Variants in SEC24B observed in about 807,000 individuals in gnomAD.
SEC24B encodes protein transport protein Sec24B.
In SEC24B, 45 loss-of-function variants were observed where a neutral mutation model predicts 142.8. The observed-to-expected ratio is 0.32, with a 90% CI of 0.25 to 0.40. The LOEUF is 0.40. Ranked by LOEUF, SEC24B falls within the 10% of genes least tolerant of loss-of-function variation. The pLI is 1.00. For synonymous variants in SEC24B, 574 were observed against 568.2 expected, an observed-to-expected ratio of 1.01 and a Z score of -0.15; for missense variants, 1,409 against 1,526.8, an observed-to-expected ratio of 0.92 and a Z score of 1.29.
In SEC24B at chr4:109,526,348, G is replaced by T; in HGVS notation, c.2914G>T (p.Asp972Tyr). The T allele has an allele frequency of 6.2e-7, 1 of 1,613,738 alleles. No homozygotes were observed. Among genetic ancestry groups the T allele is most frequent in the Non-Finnish European group, 8.5e-7 (1 of 1,179,758 alleles). ...GTTGTCAATTGAAGAAAGTTTAACA[G>T]ATACTTCCTTAGTATGTTTTCAAAC... ...VQLSIEESLT[D>Y]TSLVCFQTAL... is the part of the protein sequence containing the mutation. The change falls in exon 17 of 24, where the codon GAT (aspartate) becomes TAT (tyrosine). Residue 972 changes from aspartate (D) to tyrosine (Y), a missense_variant. Physicochemically the swap from Asp to Tyr is radical, Grantham distance 160. This residue lies in a region of SEC24B where 700 missense variants were observed against 853.3 expected (regional missense o/e 0.82). Transcript: ENST00000265175.
rs1726043813 is a variant in SEC24B at position 109,540,276 on chromosome 4, G to T, written c.*601G>T. The T allele has an allele frequency of 6.6e-6, 1 of 152,628 alleles. No homozygotes were observed. Among genetic ancestry groups the T allele is most frequent in the African/African-American group, 2.4e-5 (1 of 41,458 alleles). The allele number at this position is 152,628 out of a possible 1,614,324, so 9.5% of individuals were successfully genotyped here. On this transcript the variant is annotated 3_prime_UTR_variant, in exon 24 of 24. Transcript: ENST00000265175. ...AAAATGTAACTATAGCATATGAATT[G>T]CTTAAACTGTGCTGCATTGTTGGAT...
intron 1 of SEC24B, among the ~76,000 whole-genome samples, chr4:109,442,076 T>G (rs1051350714): frequency 3.3e-5 from 5 of 152,004 alleles, no homozygotes; most frequent in African/African-American, 1.2e-4. Flanking sequence ...GCCTTAGGGG[T>G]GTGTGGGTGT....
At chr4:109,455,093 T>C (rs1730526003) in intron 1 of SEC24B, among the ~76,000 whole-genome samples, 1 of 152,244 alleles carries the variant, frequency 6.6e-6, no homozygotes, top group Non-Finnish European at 1.5e-5. Context: ...TCTTTTATCC[T>C]GTTAATCTGC....
At chr4:109,457,247 A>G (rs1730779806) in intron 1 of SEC24B, among the ~76,000 whole-genome samples, 1 of 152,250 alleles carries the variant, frequency 6.6e-6, no homozygotes, top group South Asian at 2.1e-4. Context: ...TTAAAACAAC[A>G]TAAATGTATT....
intron 6 of SEC24B, among the ~76,000 whole-genome samples, chr4:109,498,880 A>C (rs1266677099): frequency 1.4e-5 from 2 of 145,570 alleles, no homozygotes; most frequent in African/African-American, 4.9e-5. Context: ...GGAAAAAAAA[A>C]CACCTTAAAA....
Position 109,520,499 on chromosome 4 carries a change from A to C in SEC24B, c.2245+15A>C. The C allele has an allele frequency of 6.8e-7, 1 of 1,475,220 alleles. No homozygotes were observed. The highest frequency in any genetic ancestry group is 1.2e-5 in the South Asian group (1 of 86,898). The allele number at this position is 1,475,220 out of a possible 1,614,324, so 91.4% of individuals were successfully genotyped here. A position where few individuals can be genotyped will look rare whatever the true frequency, so the allele number is the denominator to read the frequency against. On this transcript the variant is annotated intron_variant, in intron 12 of 23. Coordinates refer to ENST00000265175, the MANE Select transcript of SEC24B (RefSeq NM_006323.5). ...TGATATAGATGGTAAGCAGTCAGTAAAATAAAAGCCTTTCTAACTACGGAC... is the reference window on the plus strand; with the variant it reads ...TGATATAGATGGTAAGCAGTCAGTACAATAAAAGCCTTTCTAACTACGGAC...
At chr4:109,446,372 A>G (rs1435782475) in intron 1 of SEC24B, among the ~76,000 whole-genome samples, 1 of 152,208 alleles carries the variant, frequency 6.6e-6, no homozygotes, top group Non-Finnish European at 1.5e-5. Flanking sequence ...GAAGCTGGAA[A>G]AGGCAAGGAA....
At chr4:109,519,576 C>T (rs1046904849) in intron 11 of SEC24B, among the ~76,000 whole-genome samples, 1 of 152,274 alleles carries the variant, frequency 6.6e-6, no homozygotes, top group Non-Finnish European at 1.5e-5. Flanking sequence ...TAACAAATGA[C>T]CCCACTCCTC....
intron 17 of SEC24B, among the ~76,000 whole-genome samples, chr4:109,527,005 G>T (rs183779230): frequency 6.6e-6 from 1 of 151,906 alleles, no homozygotes; most frequent in African/African-American, 2.4e-5. Context: ...GATCACCTGA[G>T]GTCAGGAGTT....
intron 10 of SEC24B, among the ~76,000 whole-genome samples, chr4:109,515,963 G>C (rs1335669261): frequency 6.6e-6 from 1 of 151,574 alleles, no homozygotes. Context: ...CAGGAGAATC[G>C]CTTGAACCTG....
In SEC24B at chr4:109,463,268, C is replaced by G. The variant is rs373344282; in HGVS notation, c.501C>G (p.Ala167=). Reference sequence around the variant, plus strand: ...ACAATAGTCCAGCCATGTACTCTGCCAGCTCTTCTGTTGCGTCTCAGGGAT... The same window carrying G: ...ACAATAGTCCAGCCATGTACTCTGCGAGCTCTTCTGTTGCGTCTCAGGGAT... ...NHYNSPAMYS[A]SSSVASQGFP... The change falls in exon 2 of 24, where the codon GCC becomes GCG. Residue 167 remains alanine, a synonymous_variant. Coordinates refer to ENST00000265175, the MANE Select transcript of SEC24B (RefSeq NM_006323.5). The G allele has an allele frequency of 1.5e-4, 248 of 1,614,176 alleles. No individual in the cohort carries two copies. Among genetic ancestry groups the G allele is most frequent in the Non-Finnish European group, 2.1e-4 (242 of 1,180,024 alleles).
At chr4:109,447,023 A>G (rs1729539823) in intron 1 of SEC24B, among the ~76,000 whole-genome samples, 1 of 152,228 alleles carries the variant, frequency 6.6e-6, no homozygotes. Flanking sequence ...AATACTGTGG[A>G]AGCAATATTA....
At chr4:109,522,541 G>T (rs1316209396) in intron 14 of SEC24B, among the ~76,000 whole-genome samples, 1 of 152,184 alleles carries the variant, frequency 6.6e-6, no homozygotes, top group Non-Finnish European at 1.5e-5. Flanking sequence ...TGACTCCAGT[G>T]TTCTTTTCTA....
At chr4:109,465,423 A>C (rs920424240) in intron 2 of SEC24B, among the ~76,000 whole-genome samples, 2 of 151,916 alleles carry the variant, frequency 1.3e-5, no homozygotes, top group Non-Finnish European at 1.5e-5. Context: ...TTTACAAATG[A>C]AGAAAGTTAT....
intron 2 of SEC24B, among the ~76,000 whole-genome samples, chr4:109,466,536 G>A (rs539472769): frequency 1.3e-5 from 2 of 152,210 alleles, no homozygotes; most frequent in African/African-American, 2.4e-5. Context: ...TCAGCCTGCC[G>A]AGTAGCTGGG....
chr4:109,463,534 G>A lies in SEC24B; in HGVS notation c.767G>A (p.Gly256Glu). ...CACCACCAGCAGCAAAGTCTTTCAG[G>A]ATACAGTACTCTAACGTGGTCATCT... ...QQHHQQQSLSGYSTLTWSSPG... is the reference protein window; with the variant it reads ...QQHHQQQSLSEYSTLTWSSPG... Residue 256 changes from glycine to glutamate, a missense_variant, in exon 2 of 24, where the codon GGA becomes GAA. By Grantham distance (98) the Gly-to-Glu change is moderately conservative. Coordinates refer to ENST00000265175, the MANE Select transcript of SEC24B (RefSeq NM_006323.5). The A allele has an allele frequency of 6.2e-7, 1 of 1,614,100 alleles. No homozygotes were observed. The highest frequency in any genetic ancestry group is 8.5e-7 in the Non-Finnish European group (1 of 1,180,032).
chr4:109,509,662 G>A (rs1737097990), intron 7 of SEC24B, among the ~76,000 whole-genome samples: 2 of 134,714 alleles, frequency 1.5e-5, no homozygotes, highest in Admixed American at 8.0e-5. Flanking sequence ...GGGCGACAGA[G>A]CAAGACTCCA....
chr4:109,486,004 A>C (rs1259188325), intron 4 of SEC24B, among the ~76,000 whole-genome samples: 2 of 152,236 alleles, frequency 1.3e-5, no homozygotes, highest in Non-Finnish European at 2.9e-5. Flanking sequence ...GAGGAAAAAA[A>C]AACAATTGGA....
intron 6 of SEC24B, among the ~76,000 whole-genome samples, chr4:109,499,771 A>G (rs1056845558): frequency 2.0e-5 from 3 of 152,254 alleles, no homozygotes; most frequent in African/African-American, 4.8e-5. Flanking sequence ...TGCACAGTAC[A>G]TAATACTTGA....
Sources: gnomAD v4.1 joint callset for allele counts (sites outside exome capture counted in the v4.1 genomes callset) on GRCh38, gnomAD v4.1.1 for gene constraint, gnomAD v4.1.1 regional missense constraint, MANE v1.5 for transcripts, NCBI Gene and HGNC (gene_info 2026-07-23, HGNC 2026-07-21) for gene names.